Variants in ZNF34 observed in about 807,000 individuals in gnomAD.
ZNF34 encodes zinc finger protein 34 (KOX 32).
Under a neutral mutation model 14.4 loss-of-function variants are expected in ZNF34, and 8 were observed. That is an observed-to-expected ratio of 0.55 (90% CI 0.33 to 1.00). The LOEUF is 1.00. Among genes scored for constraint, ZNF34 ranks in the 50% least tolerant of loss-of-function variants. The pLI, the probability that ZNF34 is intolerant of heterozygous loss-of-function variation, is 0.03. For missense variants in ZNF34, 538 were observed against 674.2 expected (o/e 0.80, Z 2.24); for synonymous variants, 235 against 247.9 (o/e 0.95, Z 0.49).
chr8:144,782,215 G>A (rs751102772), intron 1 of ZNF34, among the ~76,000 whole-genome samples: 7 of 152,112 alleles, frequency 4.6e-5, no homozygotes, highest in African/African-American at 9.7e-5. Flanking sequence ...CCAGCTACTC[G>A]GGAGGCTGAG....
chr8:144,773,572 G>A lies in ZNF34; in HGVS notation c.1314C>T (p.Ser438=), dbSNP rs370665351. The A allele has an allele frequency of 3.3e-5, 53 of 1,613,822 alleles. No homozygotes were observed. The highest frequency in any genetic ancestry group is 4.0e-5 in the Non-Finnish European group (47 of 1,179,982). The change falls in exon 6 of 6, where the codon AGC becomes AGT. Residue 438 remains serine, a synonymous_variant. Transcript: ENST00000429371. This position sits in a 1 kb window ranked among gnomAD's most constrained non-coding sequence, Gnocchi z 5.4. ...CNDCGKVFSQ[S]THLIQHQRIH... ...TTCTCTGGTGCTGGATGAGGTGTGT[G>A]CTTTGGCTGAAAACTTTGCCACAGT...
At chr8:144,783,604 A>G (rs925174641) in intron 1 of ZNF34, among the ~76,000 whole-genome samples, 2 of 152,204 alleles carry the variant, frequency 1.3e-5, no homozygotes, top group Non-Finnish European at 2.9e-5. Context: ...ACCATTCACA[A>G]TAGCTACAAA....
chr8:144,777,656 G>A lies in ZNF34; in HGVS notation c.161-79C>T. On this transcript the variant is annotated intron_variant, in intron 4 of 5. Coordinates refer to ENST00000429371, the MANE Select transcript of ZNF34 (RefSeq NM_001286769.2). The surrounding 1 kb of genome is among the most constrained non-coding windows in gnomAD (Gnocchi z 4.8). ...GTGCTGTCTCACCCTGGGGCTGCAGGGTAAGGGAGGCACAGGCAGAGGGGG... is the reference window on the plus strand; with the variant it reads ...GTGCTGTCTCACCCTGGGGCTGCAGAGTAAGGGAGGCACAGGCAGAGGGGG... 5 of 1,497,724 alleles carry A rather than the reference G, an allele frequency of 3.3e-6. No homozygotes were observed. Among genetic ancestry groups the A allele is most frequent in the South Asian group, 2.5e-5 (2 of 80,386 alleles). 92.8% of individuals were successfully genotyped at this position (1,497,724 alleles called of 1,614,324 possible).
At chr8:144,784,091 C>T (rs939707684) in intron 1 of ZNF34, among the ~76,000 whole-genome samples, 2 of 144,072 alleles carry the variant, frequency 1.4e-5, no homozygotes, top group African/African-American at 5.2e-5. Context: ...ACCCGGGAGG[C>T]GGAGGTTACA....
In ZNF34 at chr8:144,777,498, C is replaced by T; in HGVS notation, c.240G>A (p.Gln80=). 6.4e-7 allele frequency: 1 copy of T among 1,553,246 alleles called. No individual in the cohort carries two copies. Among genetic ancestry groups the T allele is most frequent in the African/African-American group, 1.4e-5 (1 of 73,206 alleles). Residue 80 remains glutamine, a synonymous_variant, in exon 5 of 6, where the codon CAG becomes CAA. Coordinates refer to ENST00000429371, the MANE Select transcript of ZNF34 (RefSeq NM_001286769.2). This position sits in a 1 kb window ranked among gnomAD's most constrained non-coding sequence, Gnocchi z 4.8. ...TCAGGTGCTCTTTCCCAGAGGTGCC[C>T]TGAACATCCAGGACCCAGGGCTCAT... is the stretch of plus-strand genomic sequence containing the variant. ...RGDEPWVLDV[Q]GTSGKEHLRV...
At chr8:144,781,136 A>T (rs898828671) in intron 1 of ZNF34, among the ~76,000 whole-genome samples, 1 of 128,818 alleles carries the variant, frequency 7.8e-6, no homozygotes, top group Non-Finnish European at 1.5e-5. Context: ...CTCCATCTCA[A>T]ATAAATAAAT....
chr8:144,784,196 C>CA (rs1011863954), intron 1 of ZNF34, among the ~76,000 whole-genome samples: 3 of 149,014 alleles, frequency 2.0e-5, no homozygotes, highest in Non-Finnish European at 3.0e-5. Context: ...AAGGCAATAC[C>CA]AAAAAAACAA....
Position 144,777,984 on chromosome 8 carries a change from G to C in ZNF34, c.160+54C>G. The C allele has an allele frequency of 6.2e-7, 1 of 1,604,494 alleles. No homozygotes were observed. The stretch of plus-strand genomic sequence containing the variant: ...TGAGGCCCCTAGCCCAGCCTCTGCT[G>C]AGCCCTTAGCCCCCAGGGCTGTTCC... On this transcript the variant is annotated intron_variant, in intron 4 of 5. Coordinates refer to ENST00000429371, the MANE Select transcript of ZNF34 (RefSeq NM_001286769.2). The surrounding 1 kb of genome is among the most constrained non-coding windows in gnomAD (Gnocchi z 4.8).
intron 1 of ZNF34, among the ~76,000 whole-genome samples, chr8:144,784,254 T>C (rs571748661): frequency 1.3e-5 from 2 of 149,176 alleles, no homozygotes; most frequent in East Asian, 3.9e-4. Context: ...ACTTAGGCTA[T>C]GGTAATGGAA....
At position 144,782,842 on chromosome 8, in the gene ZNF34, CAAA is replaced by C. The variant is rs548252812; in HGVS notation, c.-107-2565_-107-2563del. Among the ~76,000 whole-genome samples the C allele has an allele frequency of 8.4e-3, 193 of 22,844 alleles. 1 individual carries two copies. Among genetic ancestry groups the C allele is most frequent in the African/African-American group, 0.037 (117 of 3,138 alleles). 15.0% of individuals were successfully genotyped at this position (22,844 alleles called of 152,430 possible). On this transcript the variant is annotated intron_variant, in intron 1 of 5. Coordinates refer to ENST00000429371, the MANE Select transcript of ZNF34 (RefSeq NM_001286769.2). ...ACAGAGACAGAACCAAAGCCTATCT[CAAA>C]AAAAAAAAAAAAAAAAAAAAAAAAA... is the stretch of plus-strand genomic sequence containing the variant.
At position 144,773,534 on chromosome 8, in the gene ZNF34, T is replaced by C; in HGVS notation, c.1352A>G (p.Glu451Gly). ...LIQHQRIHTGEKPYKCSECGK... is the reference protein window; with the variant it reads ...LIQHQRIHTGGKPYKCSECGK... ...ACACTCGCTGCACTTGTAGGGCTTC[T>C]CTCCTGTGTGGATTCTCTGGTGCTG... The change falls in exon 6 of 6, where the codon GAG becomes GGG. Residue 451 changes from glutamate to glycine, a missense_variant. Coordinates refer to ENST00000429371, the MANE Select transcript of ZNF34 (RefSeq NM_001286769.2). The surrounding 1 kb of genome is among the most constrained non-coding windows in gnomAD (Gnocchi z 5.4). 6.2e-7 allele frequency: 1 copy of C among 1,614,236 alleles called. No individual in the cohort carries two copies. The highest frequency in any genetic ancestry group is 8.5e-7 in the Non-Finnish European group (1 of 1,180,036).
chr8:144,783,709 A>C (rs1171627924), intron 1 of ZNF34, among the ~76,000 whole-genome samples: 1 of 152,258 alleles, frequency 6.6e-6, no homozygotes, highest in African/African-American at 2.4e-5. Context: ...TCTATGGAGA[A>C]ACAGACAATG....
chr8:144,784,458 T>TA (rs397891745), intron 1 of ZNF34, among the ~76,000 whole-genome samples: 7,567 of 126,184 alleles, frequency 0.06, 294 homozygotes, highest in African/African-American at 0.12. Context: ...ACCTAAACAT[T>TA]AAAAAAAAAA....
Position 144,773,044 on chromosome 8 carries a change from G to T in ZNF34, c.*222C>A. 1 of 473,516 alleles carries T rather than the reference G, an allele frequency of 2.1e-6. No individual in the cohort carries two copies. Among genetic ancestry groups the T allele is most frequent in the Non-Finnish European group, 3.6e-6 (1 of 275,766 alleles). 29.3% of individuals were successfully genotyped at this position (473,516 alleles called of 1,614,324 possible). A position where few individuals can be genotyped will look rare whatever the true frequency, so the allele number is the denominator to read the frequency against. ...CAGCAATGAATTTTTTTTCTAAGTGGGAGAGATCACAGAAGCTTCTTTTTT... is the reference window on the plus strand; with the variant it reads ...CAGCAATGAATTTTTTTTCTAAGTGTGAGAGATCACAGAAGCTTCTTTTTT... On this transcript the variant is annotated 3_prime_UTR_variant, in exon 6 of 6. Transcript: ENST00000429371. This position sits in a 1 kb window ranked among gnomAD's most constrained non-coding sequence, Gnocchi z 5.4.
chr8:144,774,001 G>C lies in ZNF34; in HGVS notation c.885C>G (p.Phe295Leu). ...PYRCDECGKT[F>L]TRRPNLMKHQ... The stretch of plus-strand genomic sequence containing the variant: ...GCTTCATGAGGTTGGGCCTCCGGGT[G>C]AATGTCTTCCCACACTCGTCACACC... The change falls in exon 6 of 6, where the codon TTC becomes TTG. Residue 295 changes from phenylalanine (F) to leucine (L), a missense_variant. By Grantham distance (22) the Phe-to-Leu change is conservative (BLOSUM62 0). Transcript: ENST00000429371. The C allele has an allele frequency of 6.2e-7, 1 of 1,614,112 alleles. No individual in the cohort carries two copies. The highest frequency in any genetic ancestry group is 8.5e-7 in the Non-Finnish European group (1 of 1,180,018).
chr8:144,785,392 T>A (rs1244475678), intron 1 of ZNF34: 1 of 152,152 alleles, frequency 6.6e-6, no homozygotes, highest in Admixed American at 6.6e-5. Flanking sequence ...CTGTGCCAAT[T>A]GGGTGTCCCC....
chr8:144,777,525 C>T lies in ZNF34; in HGVS notation c.213G>A (p.Gly71=), dbSNP rs572447136. 141 of 1,554,290 alleles carry T rather than the reference C, an allele frequency of 9.1e-5. No homozygotes were observed. Among genetic ancestry groups the T allele is most frequent in the Non-Finnish European group, 1.2e-4 (133 of 1,148,488 alleles). The change falls in exon 5 of 6, where the codon GGG becomes GGA. Residue 71 remains glycine, a synonymous_variant. Coordinates refer to ENST00000429371, the MANE Select transcript of ZNF34 (RefSeq NM_001286769.2). The surrounding 1 kb of genome is among the most constrained non-coding windows in gnomAD (Gnocchi z 4.8). ...GAACATCCAGGACCCAGGGCTCATCCCCTCGCTCCAACTGCGAGATCACTC... is the reference window on the plus strand; with the variant it reads ...GAACATCCAGGACCCAGGGCTCATCTCCTCGCTCCAACTGCGAGATCACTC... ...KPGVISQLER[G]DEPWVLDVQG...
Position 144,782,016 on chromosome 8 carries a change from T to C in ZNF34, c.-107-1736A>G, listed in dbSNP as rs377067468. Among the ~76,000 whole-genome samples, 224 of 151,420 alleles carry C rather than the reference T, an allele frequency of 1.5e-3. 1 individual carries two copies. Among genetic ancestry groups the C allele is most frequent in the African/African-American group, 5.2e-3 (215 of 41,234 alleles). On this transcript the variant is annotated intron_variant, in intron 1 of 5. Transcript: ENST00000429371. ...GCCTGGCCAACATGGTGAAACCCCA[T>C]CTCTCCTAAAAAATACACAACTTGG...
At position 144,774,043 on chromosome 8, in the gene ZNF34, T is replaced by C. The variant is rs766425931; in HGVS notation, c.843A>G (p.Ser281=). Reference sequence around the variant, plus strand: ...CGTCACACCGGTAGGGAATCTCTCCTGAGTGCATCCTTCGGTGATTGATGA... The same window carrying C: ...CGTCACACCGGTAGGGAATCTCTCCCGAGTGCATCCTTCGGTGATTGATGA... ...CEFINHRRMH[S]GEIPYRCDEC... Residue 281 remains serine (S), a synonymous_variant, in exon 6 of 6, where the codon TCA becomes TCG. Transcript: ENST00000429371. The C allele has an allele frequency of 2.5e-5, 40 of 1,613,888 alleles. No individual in the cohort carries two copies. Among genetic ancestry groups the C allele is most frequent in the Admixed American group, 3.3e-5 (2 of 59,980 alleles).
Sources: gnomAD v4.1 joint callset for allele counts (sites outside exome capture counted in the v4.1 genomes callset) on GRCh38, gnomAD v4.1.1 for gene constraint, Gnocchi (gnomAD v3.1) non-coding constraint, MANE v1.5 for transcripts, NCBI Gene and HGNC (gene_info 2026-07-23, HGNC 2026-07-21) for gene names.